ARFGAP2: variants seen among roughly 807,000 people sequenced by gnomAD.
ARFGAP2 encodes the protein ARF GTPase activating protein 2.
ARFGAP2 carries 45 observed loss-of-function variants against 71.9 expected under a neutral mutation model. That is an observed-to-expected ratio of 0.63 (90% CI 0.49 to 0.80). ARFGAP2 has a LOEUF of 0.80. Among genes scored for constraint, ARFGAP2 ranks in the 30% least tolerant of loss-of-function variants. The pLI is 0.00. For missense variants in ARFGAP2, 633 were observed against 673.9 expected (o/e 0.94, Z 0.67); for synonymous variants, 248 against 249.2 (o/e 1.00, Z 0.05).
intron 10 of ARFGAP2, chr11:47,169,520 T>C (rs1952514443): frequency 6.6e-6 from 1 of 151,938 alleles, no homozygotes. Context: ...AAAATATCTA[T>C]AGCTTTTAGC....
At chr11:47,174,988 G>C in intron 5 of ARFGAP2, 27 bp downstream of exon 5, 3 of 1,612,332 alleles carry the variant, frequency 1.9e-6, no homozygotes, top group Non-Finnish European at 2.5e-6. Flanking sequence ...AGAACAACTG[G>C]GAAAACGGTT....
Position 47,173,838 on chromosome 11 carries a change from G to C in ARFGAP2, c.483C>G (p.Pro161=), listed in dbSNP as rs1030524833. The part of the protein sequence containing the change: ...DSDFFTEHTQ[P]PAWDAPATEP... Reference sequence around the variant, plus strand: ...CAGTGGCTGGCGCATCCCAGGCAGGGGGCTGAAAAGGAGGCCAGATCACAG... The same window carrying C: ...CAGTGGCTGGCGCATCCCAGGCAGGCGGCTGAAAAGGAGGCCAGATCACAG... The change falls in exon 6 of 16, where the codon CCC becomes CCG. Residue 161 remains proline (P), a splice_region_variant and synonymous_variant. Coordinates refer to ENST00000524782, the MANE Select transcript of ARFGAP2 (RefSeq NM_032389.6). 7.5e-6 allele frequency: 12 copies of C among 1,596,442 alleles called. No homozygotes were observed. The Admixed American group carries it at 1.7e-4, about 23-fold the overall frequency.
chr11:47,171,044 G>C (rs1952579181), intron 10 of ARFGAP2, among the ~76,000 whole-genome samples: 1 of 152,182 alleles, frequency 6.6e-6, no homozygotes, highest in South Asian at 2.1e-4. Flanking sequence ...GATATGTGAG[G>C]GTATTACAGG....
In ARFGAP2 at chr11:47,176,811, T is replaced by C. The variant is rs779743298; in HGVS notation, c.43A>G (p.Lys15Glu). ...TTGGTTGGAACTGCGCGAAGCCTCTTAAAAAGAGTCTGGATTTCGGTCTTG... is the reference window on the plus strand; with the variant it reads ...TTGGTTGGAACTGCGCGAAGCCTCTCAAAAAGAGTCTGGATTTCGGTCTTG... ...PNKTEIQTLFKRLRAVPTNKA... is the reference protein window; with the variant it reads ...PNKTEIQTLFERLRAVPTNKA... The change falls in exon 1 of 16, where the codon AAG (lysine) becomes GAG (glutamate). Residue 15 changes from lysine to glutamate, a missense_variant. Physicochemically the swap from Lys to Glu is moderately conservative, Grantham distance 56. Transcript: ENST00000524782. 8.7e-6 allele frequency: 14 copies of C among 1,613,972 alleles called. No homozygotes were observed. In the South Asian group the frequency reaches 1.3e-4, roughly 15 times the overall value.
intron 9 of ARFGAP2, 25 bp from the exon 10 acceptor site, chr11:47,171,582 G>A: frequency 6.2e-7 from 1 of 1,614,056 alleles, no homozygotes; most frequent in Non-Finnish European, 8.5e-7. Context: ...AGGTGTCAGT[G>A]GCCACCACCC....
chr11:47,170,572 A>G (rs1001087404), intron 10 of ARFGAP2, among the ~76,000 whole-genome samples: 1 of 151,424 alleles, frequency 6.6e-6, no homozygotes, highest in Non-Finnish European at 1.5e-5. Flanking sequence ...ACTTGAACCC[A>G]GGAGGTAGAG....
chr11:47,175,984 C>T, intron 2 of ARFGAP2, 61 bp from the exon 3 acceptor site: 3 of 1,572,848 alleles, frequency 1.9e-6, no homozygotes, highest in Non-Finnish European at 2.6e-6. Flanking sequence ...CCTGGCAACC[C>T]GGATACCTGT....
At chr11:47,169,490 G>C (rs906821184) in intron 10 of ARFGAP2, 4 of 152,040 alleles carry the variant, frequency 2.6e-5, no homozygotes, top group African/African-American at 9.7e-5. Context: ...GGACTAATTT[G>C]ATTTAAATCA....
rs1952606336 is a variant in ARFGAP2, at chr11:47,171,668, ACTC to A, written c.802_804del (p.Glu268del). 3 of 1,613,432 alleles carry A rather than the reference ACTC, an allele frequency of 1.9e-6. No homozygotes were observed. The highest frequency in any genetic ancestry group is 2.5e-6 in the Non-Finnish European group (3 of 1,179,976). ...GCCCCGGCAGCAAACACTTACATGG[ACTC>A]CTCCGCCTGCTTCTTGGCATCGGCT... On this transcript the variant is annotated inframe_deletion, in exon 9 of 16. Coordinates refer to ENST00000524782, the MANE Select transcript of ARFGAP2 (RefSeq NM_032389.6).
chr11:47,176,119 T>A, intron 2 of ARFGAP2, 196 bp from the exon 3 acceptor site: 1 of 620,834 alleles, frequency 1.6e-6, no homozygotes, highest in Non-Finnish European at 2.8e-6. Flanking sequence ...GTACTAATTA[T>A]GTCCCCAGAT....
In ARFGAP2 at chr11:47,166,800, A is replaced by C; in HGVS notation, c.1292T>G (p.Ile431Ser). ...CCGCCCAAAGAACATGTCAGATGAG[A>C]TGGCTTTGGCTCCTGCGAATTTCTG... Reference protein sequence around the residue: ...ARQKFAGAKAISSDMFFGREV... With the variant: ...ARQKFAGAKASSSDMFFGREV... The change falls in exon 13 of 16, where the codon ATC (isoleucine) becomes AGC (serine). Residue 431 changes from isoleucine to serine, a missense_variant. By Grantham distance (142) the Ile-to-Ser change is moderately radical. Transcript: ENST00000524782. 6.2e-7 allele frequency: 1 copy of C among 1,614,102 alleles called. No individual in the cohort carries two copies. Among genetic ancestry groups the C allele is most frequent in the South Asian group, 1.1e-5 (1 of 91,082 alleles).
At chr11:47,170,993 G>C (rs1028565863) in intron 10 of ARFGAP2, among the ~76,000 whole-genome samples, 4 of 152,208 alleles carry the variant, frequency 2.6e-5, no homozygotes, top group Non-Finnish European at 5.9e-5. Flanking sequence ...TTCTGAAACA[G>C]GAAGGATTCC....
rs1170514333 is a variant in ARFGAP2, at chr11:47,171,434, T to C, written c.933A>G (p.Val311=). 1 of 1,614,230 alleles carries C rather than the reference T, an allele frequency of 6.2e-7. No individual in the cohort carries two copies. Among genetic ancestry groups the C allele is most frequent in the South Asian group, 1.1e-5 (1 of 91,090 alleles). Residue 311 remains valine (V), a synonymous_variant, in exon 10 of 16, where the codon GTA becomes GTG. Transcript: ENST00000524782. ...CCGGAGCTGAGCCTCACCTTCGGGA[T>C]ACCAAGCCCATGCCCAACCTTTCTG... ...EQAERLGMGL[V]SRSSVSHSVL...
chr11:47,173,292 C>T (rs1952669533), intron 7 of ARFGAP2, 134 bp downstream of exon 7: 1 of 1,040,092 alleles, frequency 9.6e-7, no homozygotes, highest in Non-Finnish European at 1.4e-6. Flanking sequence ...TCACAGTCCC[C>T]ACTCCAGAGA....
intron 15 of ARFGAP2, among the ~76,000 whole-genome samples, chr11:47,165,791 G>A (rs1952342628): frequency 1.3e-5 from 2 of 152,208 alleles, no homozygotes; most frequent in South Asian, 2.1e-4. Flanking sequence ...GCATCTTGGA[G>A]AGGCCCGGCC....
rs759108635 is a variant in ARFGAP2 at position 47,168,237 on chromosome 11, G to A, written c.956C>T (p.Ser319Phe). The A allele has an allele frequency of 6.2e-7, 1 of 1,614,178 alleles. No individual in the cohort carries two copies. Among genetic ancestry groups the A allele is most frequent in the South Asian group, 1.1e-5 (1 of 91,056 alleles). The change falls in exon 11 of 16, where the codon TCC becomes TTC. Residue 319 changes from serine (S) to phenylalanine (F), a missense_variant. Transcript: ENST00000524782. ...AATCACCTGCATCTCAGACAGCACG[G>A]AGTGGGAGACAGAGCTGCGCAGCAA... ...GLVSRSSVSH[S>F]VLSEMQVIEQ...
rs369801651 is a variant in ARFGAP2 at position 47,168,128 on chromosome 11, G to A, written c.1065C>T (p.Pro355=). Residue 355 remains proline (P), a synonymous_variant, in exon 11 of 16, where the codon CCC becomes CCT. Transcript: ENST00000524782. The part of the protein sequence containing the change: ...FDDVGTFASG[P]PKYKDNPFSL... Reference sequence around the variant, plus strand: ...CAGCTAGAAAACAGCCTTACTTTGGGGGTCCAGAGGCGAAAGTACCAACAT... The same window carrying A: ...CAGCTAGAAAACAGCCTTACTTTGGAGGTCCAGAGGCGAAAGTACCAACAT... 2 of 1,614,082 alleles carry A rather than the reference G, an allele frequency of 1.2e-6. No homozygotes were observed. The highest frequency in any genetic ancestry group is 2.7e-5 in the African/African-American group (2 of 74,916).
In ARFGAP2 at chr11:47,168,209, C is replaced by A; in HGVS notation, c.984G>T (p.Glu328Asp). ...HSVLSEMQVI[E>D]QETPVSAKSS... ...ATTTTGCACTCACTGGGGTTTCCTG[C>A]TCAATCACCTGCATCTCAGACAGCA... Residue 328 changes from glutamate to aspartate, a missense_variant, in exon 11 of 16, where the codon GAG becomes GAT. Transcript: ENST00000524782. 1 of 1,614,246 alleles carries A rather than the reference C, an allele frequency of 6.2e-7. No homozygotes were observed. Among genetic ancestry groups the A allele is most frequent in the Non-Finnish European group, 8.5e-7 (1 of 1,180,042 alleles).
intron 7 of ARFGAP2, chr11:47,172,640 G>T (rs971649116): frequency 2.6e-5 from 34 of 1,328,376 alleles, no homozygotes; most frequent in Non-Finnish European, 3.2e-5. Flanking sequence ...CATATGGTGA[G>T]CACCAGGCTC....
Sources: gnomAD v4.1 joint callset for allele counts (sites outside exome capture counted in the v4.1 genomes callset) on GRCh38, gnomAD v4.1.1 for gene constraint, MANE v1.5 for transcripts, NCBI Gene and HGNC (gene_info 2026-07-23, HGNC 2026-07-21) for gene names.